Variants in GRIK2 observed in about 807,000 individuals in gnomAD.
GRIK2 encodes glutamate receptor ionotropic, kainate 2.
In GRIK2, 32 loss-of-function variants were observed where a neutral mutation model predicts 100.3. The observed-to-expected ratio is 0.32, with a 90% CI of 0.24 to 0.43. The LOEUF (loss-of-function observed/expected upper bound fraction) is 0.43. Ranked by LOEUF, GRIK2 falls within the 20% of genes least tolerant of loss-of-function variation. The pLI, the probability that GRIK2 is intolerant of heterozygous loss-of-function variation, is 1.00. For missense variants in GRIK2, 843 were observed against 1,114.9 expected (o/e 0.76, Z 3.47); for synonymous variants, 417 against 389.4 (o/e 1.07, Z -0.83).
intron 4 of GRIK2, among the ~76,000 whole-genome samples, chr6:101,661,623 C>A (rs1293392840): frequency 2.0e-5 from 3 of 152,094 alleles, no homozygotes; most frequent in Admixed American, 6.5e-5. Context: ...TGAGGAATCT[C>A]CTGGTCTGGT....
At chr6:102,050,673 T>A (rs1186511888) in intron 15 of GRIK2, among the ~76,000 whole-genome samples, 1,901 of 60,088 alleles carry the variant, frequency 0.032, no homozygotes, top group Middle Eastern at 0.041. Flanking sequence ...AAAAACGGAA[T>A]AAGAAATAAA....
At chr6:101,857,253 A>G (rs1304957199) in intron 10 of GRIK2, among the ~76,000 whole-genome samples, 2 of 152,212 alleles carry the variant, frequency 1.3e-5, no homozygotes, top group East Asian at 3.9e-4. Flanking sequence ...ATCAGGGTAC[A>G]GTCCAGCAGA....
intron 7 of GRIK2, among the ~76,000 whole-genome samples, chr6:101,776,747 T>C (rs1009832661): frequency 2.0e-5 from 3 of 152,208 alleles, no homozygotes; most frequent in Non-Finnish European, 2.9e-5. Flanking sequence ...TTTGGCATTC[T>C]GAGTTCAACT....
chr6:101,439,397 A>C (rs1268050373), intron 2 of GRIK2, among the ~76,000 whole-genome samples: 1 of 152,110 alleles, frequency 6.6e-6, no homozygotes, highest in Non-Finnish European at 1.5e-5. Context: ...GAAGCTTCAA[A>C]GTCTTCATTA....
intron 2 of GRIK2, among the ~76,000 whole-genome samples, chr6:101,472,856 A>C (rs1772020800): frequency 6.6e-6 from 1 of 151,742 alleles, no homozygotes; most frequent in Non-Finnish European, 1.5e-5. Flanking sequence ...GAAAGCAACA[A>C]ATTGTATTTA....
At chr6:101,770,771 CA>C (rs1216149906) in intron 7 of GRIK2, among the ~76,000 whole-genome samples, 1 of 152,076 alleles carries the variant, frequency 6.6e-6, no homozygotes, top group African/African-American at 2.4e-5. Context: ...TGCATAGTCA[CA>C]ATAGGAAGGG....
chr6:101,694,881 C>T (rs1409828066), intron 7 of GRIK2, among the ~76,000 whole-genome samples: 1 of 151,062 alleles, frequency 6.6e-6, no homozygotes, highest in African/African-American at 2.4e-5. Flanking sequence ...AATTTAAAAC[C>T]AATGCCATAT....
intron 6 of GRIK2, 24 bp downstream of exon 6, chr6:101,682,630 T>G (rs1323678934): frequency 1.0e-6 from 1 of 964,200 alleles, no homozygotes; most frequent in Non-Finnish European, 1.6e-6. Flanking sequence ...TAAAACAAAA[T>G]GTTCTGAATT....
At chr6:101,789,944 A>C (rs898300526) in intron 7 of GRIK2, among the ~76,000 whole-genome samples, 12 of 152,104 alleles carry the variant, frequency 7.9e-5, no homozygotes, top group Non-Finnish European at 1.3e-4. Context: ...TTGGATTCCT[A>C]AGTATTTTAT....
intron 15 of GRIK2, among the ~76,000 whole-genome samples, chr6:102,047,677 A>T (rs925120327): frequency 6.6e-6 from 1 of 151,958 alleles, no homozygotes; most frequent in African/African-American, 2.4e-5. Context: ...TTAACCCAGG[A>T]GGCAGAGGTT....
intron 7 of GRIK2, among the ~76,000 whole-genome samples, chr6:101,772,909 C>T (rs1024736367): frequency 2.6e-5 from 4 of 152,058 alleles, no homozygotes; most frequent in Non-Finnish European, 5.9e-5. Context: ...CTCCAAAGAA[C>T]TAAATCATCT....
intron 2 of GRIK2, among the ~76,000 whole-genome samples, chr6:101,455,236 G>A (rs1268832491): frequency 6.6e-6 from 1 of 151,990 alleles, no homozygotes; most frequent in Non-Finnish European, 1.5e-5. Context: ...TAAAAGAGAA[G>A]AAATTAAAAG....
chr6:101,559,490 A>G (rs1305075237), intron 2 of GRIK2, among the ~76,000 whole-genome samples: 1 of 152,112 alleles, frequency 6.6e-6, no homozygotes, highest in Non-Finnish European at 1.5e-5. Flanking sequence ...TAGGTTGACC[A>G]TAGGTATTTA....
intron 2 of GRIK2, among the ~76,000 whole-genome samples, chr6:101,446,907 G>A (rs1318934282): frequency 3.4e-5 from 5 of 148,690 alleles, no homozygotes; most frequent in Admixed American, 2.7e-4. Flanking sequence ...TATTGAGTGT[G>A]GAAAATACTT....
At chr6:101,524,889 G>T (rs751030402) in intron 2 of GRIK2, among the ~76,000 whole-genome samples, 23 of 151,786 alleles carry the variant, frequency 1.5e-4, no homozygotes, top group Non-Finnish European at 2.9e-4. Context: ...CTGACACTAC[G>T]CCTGGCTAAT....
At chr6:102,045,669 C>A (rs1770848311) in intron 15 of GRIK2, among the ~76,000 whole-genome samples, 1 of 151,970 alleles carries the variant, frequency 6.6e-6, no homozygotes, top group Non-Finnish European at 1.5e-5. Flanking sequence ...AAAACACAAT[C>A]ATAATAAACA....
At chr6:101,967,930 AC>A (rs1792792984) in intron 14 of GRIK2, among the ~76,000 whole-genome samples, 1 of 148,232 alleles carries the variant, frequency 6.7e-6, no homozygotes, top group African/African-American at 2.5e-5. Flanking sequence ...AACCCCTCCC[AC>A]CCCCCACCAT....
At chr6:101,808,692 C>T (rs1699718879) in intron 9 of GRIK2, among the ~76,000 whole-genome samples, 1 of 151,888 alleles carries the variant, frequency 6.6e-6, no homozygotes. Flanking sequence ...TTCCCTATCT[C>T]CTCAGCAGAT....
intron 12 of GRIK2, among the ~76,000 whole-genome samples, chr6:101,913,032 C>CAGTA (rs1436957526): frequency 6.6e-6 from 1 of 151,298 alleles, no homozygotes; most frequent in African/African-American, 2.4e-5. Context: ...GAATTTAAAG[C>CAGTA]AGTAAGATTG....
Sources: gnomAD v4.1 joint callset for allele counts (sites outside exome capture counted in the v4.1 genomes callset) on GRCh38, gnomAD v4.1.1 for gene constraint, MANE v1.5 for transcripts, NCBI Gene and HGNC (gene_info 2026-07-23, HGNC 2026-07-21) for gene names.